The following FER1L6 variants were observed in gnomAD, a reference collection of about 807,000 sequenced individuals.
The protein encoded by FER1L6 is fer-1 like family member 6, also known as fer-1-like protein 6.
FER1L6 carries 177 observed loss-of-function variants against 219.2 expected under a neutral mutation model. The observed-to-expected ratio is 0.81, with a 90% CI of 0.71 to 0.91. The LOEUF is 0.91. Ranked by LOEUF, FER1L6 falls within the 40% of genes least tolerant of loss-of-function variation. The probability of loss-of-function intolerance (pLI) is 0.00; values close to 1 mark genes in which losing one functional copy is unlikely to be tolerated. For missense variants in FER1L6, 2,153 were observed against 2,259.9 expected, an observed-to-expected ratio of 0.95 and a Z score of 0.96; for synonymous variants, 768 against 824.3, an observed-to-expected ratio of 0.93 and a Z score of 1.17.
At chr8:124,037,586 G>A (rs1819275715) in intron 19 of FER1L6, among the ~76,000 whole-genome samples, 1 of 152,122 alleles carries the variant, frequency 6.6e-6, no homozygotes, top group Non-Finnish European at 1.5e-5. Flanking sequence ...GCAAATACCT[G>A]GACTTAACTG....
rs200539275 is a variant in FER1L6 at position 124,035,432 on chromosome 8, C to T, written c.2442C>T (p.Pro814=). The T allele has an allele frequency of 6.2e-6, 10 of 1,613,134 alleles. No individual in the cohort carries two copies. The highest frequency in any genetic ancestry group is 8.5e-6 in the Non-Finnish European group (10 of 1,179,894). ...CCAAAGGGGCTGGCACCAATCACCCCCCATCTAACCTGCTCTACCAAGGTA... is the reference window on the plus strand; with the variant it reads ...CCAAAGGGGCTGGCACCAATCACCCTCCATCTAACCTGCTCTACCAAGGTA... The part of the protein sequence containing the change: ...MSSKGAGTNH[P]PSNLLYQEQH... The change falls in exon 19 of 41, where the codon CCC becomes CCT. Residue 814 remains proline, a synonymous_variant. Coordinates refer to ENST00000522917, the MANE Select transcript of FER1L6 (RefSeq NM_001039112.2).
rs1317951370 is a variant in FER1L6 at position 124,082,393 on chromosome 8, C to T, written c.4326C>T (p.Ile1442=). The change falls in exon 33 of 41, where the codon ATC becomes ATT. Residue 1442 remains isoleucine (I), a synonymous_variant. Transcript: ENST00000522917. Reference sequence around the variant, plus strand: ...ATGACCTTATTGGTGAGACCAAGATCGACCTGGAGAACCGCTTCTACAGCA... The same window carrying T: ...ATGACCTTATTGGTGAGACCAAGATTGACCTGGAGAACCGCTTCTACAGCA... The part of the protein sequence containing the change: ...GTDDLIGETK[I]DLENRFYSKH... 11 of 1,613,960 alleles carry T rather than the reference C, an allele frequency of 6.8e-6. No individual in the cohort carries two copies. Among genetic ancestry groups the T allele is most frequent in the Non-Finnish European group, 8.5e-6 (10 of 1,179,970 alleles).
At chr8:123,914,363 C>A (rs1359455789) in intron 1 of FER1L6, among the ~76,000 whole-genome samples, 3 of 152,088 alleles carry the variant, frequency 2.0e-5, no homozygotes, top group Admixed American at 1.3e-4. Context: ...CTGTCATTGA[C>A]GGGGAAAAAG....
At position 123,852,160 on chromosome 8, in the gene FER1L6, C is replaced by G. The variant is rs1333349060; in HGVS notation, c.-33C>G. The G allele has an allele frequency of 6.6e-6, 1 of 152,198 alleles. No individual in the cohort carries two copies. The highest frequency in any genetic ancestry group is 1.5e-5 in the Non-Finnish European group (1 of 68,084). 9.4% of individuals were successfully genotyped at this position (152,198 alleles called of 1,614,324 possible). A position where few individuals can be genotyped will look rare whatever the true frequency, so the allele number is the denominator to read the frequency against. The stretch of plus-strand genomic sequence containing the variant: ...TTGATCAGAGCAATGCTGTGTGGAC[C>G]ATCGTGAAGGTGGACAAGGCATTTT... On this transcript the variant is annotated 5_prime_UTR_variant, in exon 1 of 41. Transcript: ENST00000522917. The surrounding 1 kb of genome is among the most constrained non-coding windows in gnomAD (Gnocchi z 4.9).
chr8:124,118,701 A>G, intron 39 of FER1L6, 143 bp from the exon 40 acceptor site: 1 of 714,728 alleles, frequency 1.4e-6, no homozygotes, highest in Non-Finnish European at 2.3e-6. Context: ...GACCAAAAAA[A>G]GCAACAACAT....
chr8:124,116,251 A>G (rs748918832), intron 39 of FER1L6, among the ~76,000 whole-genome samples: 16 of 152,232 alleles, frequency 1.1e-4, no homozygotes, highest in Non-Finnish European at 1.8e-4. Context: ...CAGCTAGCCA[A>G]AAAGGGCATG....
chr8:123,874,014 T>G (rs1816964633), intron 1 of FER1L6, among the ~76,000 whole-genome samples: 1 of 152,232 alleles, frequency 6.6e-6, no homozygotes. Context: ...ATCTTATAAT[T>G]ACCACCTTGC....
chr8:124,060,733 C>A, intron 24 of FER1L6, 24 bp downstream of exon 24: 1 of 1,605,514 alleles, frequency 6.2e-7, no homozygotes, highest in East Asian at 2.2e-5. Context: ...ACTCTCCCGA[C>A]CTGGCTCATT....
chr8:124,072,181 ACGG>A (rs1821108397), intron 31 of FER1L6, among the ~76,000 whole-genome samples: 1 of 152,196 alleles, frequency 6.6e-6, no homozygotes, highest in South Asian at 2.1e-4. Context: ...TACAGGAAAG[ACGG>A]GGGGAAGGAC....
At chr8:123,915,512 TTGAC>T (rs1373788458) in intron 1 of FER1L6, among the ~76,000 whole-genome samples, 10 of 152,162 alleles carry the variant, frequency 6.6e-5, no homozygotes, top group Non-Finnish European at 1.2e-4. Flanking sequence ...ATTGGGCTGA[TTGAC>T]TGTTAAAATT....
chr8:123,859,353 A>G (rs1329648191), intron 1 of FER1L6, among the ~76,000 whole-genome samples: 1 of 151,546 alleles, frequency 6.6e-6, no homozygotes, highest in African/African-American at 2.4e-5. Context: ...TTATGGAAAG[A>G]GTCAGTCAAG....
At chr8:123,874,990 A>T (rs940982258) in intron 1 of FER1L6, among the ~76,000 whole-genome samples, 1 of 152,056 alleles carries the variant, frequency 6.6e-6, no homozygotes, top group Non-Finnish European at 1.5e-5. Flanking sequence ...ACGTCAAGAG[A>T]TAGAGACCAT....
chr8:123,958,779 G>A (rs988622909), intron 2 of FER1L6, among the ~76,000 whole-genome samples: 3 of 151,738 alleles, frequency 2.0e-5, no homozygotes, highest in African/African-American at 7.3e-5. Context: ...AGAATTCTCT[G>A]GGGAGGTAAC....
Position 124,119,906 on chromosome 8 carries a change from AC to A in FER1L6, c.*119del. ...TGCTGAGTGCTAAGGGGACAGATCA[AC>A]CCTTCTTGGAAGAGATGGAAAAGAA... On this transcript the variant is annotated 3_prime_UTR_variant, in exon 41 of 41. Coordinates refer to ENST00000522917, the MANE Select transcript of FER1L6 (RefSeq NM_001039112.2). 1 of 1,062,578 alleles carries A rather than the reference AC, an allele frequency of 9.4e-7. No individual in the cohort carries two copies. Among genetic ancestry groups the A allele is most frequent in the Non-Finnish European group, 1.3e-6 (1 of 757,918 alleles). 65.8% of individuals were successfully genotyped at this position (1,062,578 alleles called of 1,614,324 possible).
chr8:123,977,907 C>A lies in FER1L6; in HGVS notation c.1063+298C>A, dbSNP rs140433148. On this transcript the variant is annotated intron_variant, in intron 10 of 40. Coordinates refer to ENST00000522917, the MANE Select transcript of FER1L6 (RefSeq NM_001039112.2). ...GAATCTATTGCCACCGCTAATCTGACAGACGGAGCTAGGTGGTAATACTCA... is the reference window on the plus strand; with the variant it reads ...GAATCTATTGCCACCGCTAATCTGAAAGACGGAGCTAGGTGGTAATACTCA... Among the ~76,000 whole-genome samples the A allele has an allele frequency of 1.4e-3, 215 of 152,308 alleles. 1 individual carries two copies. Among genetic ancestry groups the A allele is most frequent in the African/African-American group, 5.0e-3 (209 of 41,564 alleles).
chr8:124,002,093 T>G (rs920513923), intron 12 of FER1L6, among the ~76,000 whole-genome samples: 3 of 152,192 alleles, frequency 2.0e-5, no homozygotes, highest in African/African-American at 7.2e-5. Flanking sequence ...TTGAGGCATG[T>G]GGGCTGGGCT....
intron 2 of FER1L6, 90 bp from the exon 3 acceptor site, chr8:123,963,188 G>T (rs1815378617): frequency 2.6e-6 from 4 of 1,542,458 alleles, no homozygotes; most frequent in African/African-American, 1.4e-5. Context: ...ACCACTTATG[G>T]TGCCTGCCAC....
chr8:123,960,452 C>T (rs143490208), intron 2 of FER1L6, among the ~76,000 whole-genome samples: 1 of 152,308 alleles, frequency 6.6e-6, no homozygotes, highest in African/African-American at 2.4e-5. Flanking sequence ...ATTATCTATT[C>T]ATTTAAGTTT....
At chr8:123,890,792 AAG>A (rs1443101172) in intron 1 of FER1L6, among the ~76,000 whole-genome samples, 1 of 151,684 alleles carries the variant, frequency 6.6e-6, no homozygotes, top group Admixed American at 6.6e-5. Context: ...ATCAATTATT[AAG>A]ACTTATTTTT....
Sources: allele counts gnomAD v4.1 joint callset (sites outside exome capture counted in the v4.1 genomes callset), GRCh38; gene constraint gnomAD v4.1.1; non-coding constraint Gnocchi (gnomAD v3.1); transcripts MANE v1.5; gene names NCBI Gene and HGNC (gene_info 2026-07-23, HGNC 2026-07-21).